RGS6: variants seen among roughly 807,000 people sequenced by gnomAD.
The protein encoded by RGS6 is regulator of G-protein signaling 6.
A neutral mutation model predicts 78.5 loss-of-function variants in RGS6; 30 were observed. That is an observed-to-expected ratio of 0.38 (90% CI 0.29 to 0.52). The LOEUF (loss-of-function observed/expected upper bound fraction) is 0.52. Among genes scored for constraint, RGS6 ranks in the 20% least tolerant of loss-of-function variants. The pLI is 0.85. For synonymous variants in RGS6, 206 were observed against 206.0 expected, an observed-to-expected ratio of 1.00 and a Z score of 0.00; for missense variants, 495 against 609.7, an observed-to-expected ratio of 0.81 and a Z score of 1.98.
chr14:72,002,290 C>T (rs2238268), intron 2 of RGS6, among the ~76,000 whole-genome samples: 95,172 of 151,976 alleles, frequency 0.63, 30,425 homozygotes, highest in South Asian at 0.7. Context: ...GAGTGACTTA[C>T]TAACTAGCCC....
chr14:72,015,288 G>A (rs912102651), intron 2 of RGS6, among the ~76,000 whole-genome samples: 1 of 152,148 alleles, frequency 6.6e-6, no homozygotes, highest in Non-Finnish European at 1.5e-5. Context: ...GGGAACTAGT[G>A]GAGTGAATTA....
intron 17 of RGS6, among the ~76,000 whole-genome samples, chr14:72,559,732 C>T (rs190553672): frequency 1.3e-5 from 2 of 152,254 alleles, no homozygotes; most frequent in Admixed American, 6.5e-5. Flanking sequence ...TCGGGGGAAG[C>T]GAGGAGCGGG....
At chr14:72,495,411 C>T (rs753535571) in intron 13 of RGS6, 149 bp downstream of exon 13, 8 of 633,724 alleles carry the variant, frequency 1.3e-5, no homozygotes, top group Non-Finnish European at 2.0e-5. Flanking sequence ...GTTCTACTTA[C>T]AGTTTCTACC....
chr14:72,189,129 GC>G (rs1489762175), intron 2 of RGS6, among the ~76,000 whole-genome samples: 1 of 152,158 alleles, frequency 6.6e-6, no homozygotes, highest in East Asian at 1.9e-4. Context: ...ACTCAACTCT[GC>G]CATTGTAGCC....
At chr14:72,175,984 C>T (rs1475360982) in intron 2 of RGS6, among the ~76,000 whole-genome samples, 1 of 152,156 alleles carries the variant, frequency 6.6e-6, no homozygotes, top group East Asian at 1.9e-4. Flanking sequence ...CCCAAGTTCA[C>T]CACCAGGCTT....
At chr14:72,046,408 A>G (rs2092840124) in intron 2 of RGS6, among the ~76,000 whole-genome samples, 2 of 152,186 alleles carry the variant, frequency 1.3e-5, no homozygotes, top group Admixed American at 1.3e-4. Context: ...TACAACATCT[A>G]CATGGCTTGT....
Position 72,326,865 on chromosome 14 carries a change from G to T in RGS6, c.85-25230G>T, listed in dbSNP as rs536769971. Among the ~76,000 whole-genome samples the T allele has an allele frequency of 5.5e-4, 83 of 152,254 alleles. 1 individual carries two copies. The highest frequency in any genetic ancestry group is 1.0e-3 in the Non-Finnish European group (69 of 68,024). On this transcript the variant is annotated intron_variant, in intron 2 of 17. Transcript: ENST00000553525. Reference sequence around the variant, plus strand: ...TGGGACTACAGGCGCCCGCCACCATGCCCGGCTAATTTTTTGTATTTTTAA... The same window carrying T: ...TGGGACTACAGGCGCCCGCCACCATTCCCGGCTAATTTTTTGTATTTTTAA...
At chr14:72,141,747 G>T (rs1026401389) in intron 2 of RGS6, among the ~76,000 whole-genome samples, 1 of 152,026 alleles carries the variant, frequency 6.6e-6, no homozygotes, top group Non-Finnish European at 1.5e-5. Flanking sequence ...GTTCCTCCAG[G>T]ATATGGCATC....
intron 3 of RGS6, among the ~76,000 whole-genome samples, chr14:72,426,034 A>G (rs1247621379): frequency 6.6e-6 from 1 of 152,116 alleles, no homozygotes; most frequent in Non-Finnish European, 1.5e-5. Flanking sequence ...GTTAAAATAA[A>G]CTCTTTTAAC....
the RGS6 span, among the ~76,000 whole-genome samples, chr14:72,589,913 ACT>A: frequency 6.6e-6 from 1 of 152,202 alleles, no homozygotes; most frequent in Non-Finnish European, 1.5e-5. Flanking sequence ...CTGACTGAAG[ACT>A]CAGCTCCAAA....
intron 2 of RGS6, among the ~76,000 whole-genome samples, chr14:72,256,553 G>A (rs768797641): frequency 3.3e-5 from 5 of 152,130 alleles, no homozygotes; most frequent in Non-Finnish European, 5.9e-5. Flanking sequence ...GCAGAATTCA[G>A]GCCCCTCCCA....
chr14:72,501,703 G>A (rs2010547), intron 13 of RGS6, among the ~76,000 whole-genome samples: 3,451 of 152,266 alleles, frequency 0.023, 122 homozygotes, highest in African/African-American at 0.078. Context: ...ACTAGATGCT[G>A]GAGTCTAATG....
intron 2 of RGS6, among the ~76,000 whole-genome samples, chr14:71,976,573 C>T (rs1331838024): frequency 6.6e-6 from 1 of 152,094 alleles, no homozygotes; most frequent in Non-Finnish European, 1.5e-5. Flanking sequence ...CATCCATGTC[C>T]CTACAAAGGA....
intron 3 of RGS6, among the ~76,000 whole-genome samples, chr14:72,412,500 A>T (rs1188283709): frequency 2.0e-5 from 3 of 151,428 alleles, no homozygotes; most frequent in African/African-American, 7.3e-5. Flanking sequence ...CATTTTGTTG[A>T]TCTTTTCAAA....
chr14:72,612,629 A>G, the RGS6 span: 1 of 518,876 alleles, frequency 1.9e-6, no homozygotes, highest in Non-Finnish European at 3.8e-6. Context: ...TCAGGGTCTC[A>G]GTGGGGAGTA....
chr14:72,171,114 A>G (rs2097008967), intron 2 of RGS6, among the ~76,000 whole-genome samples: 2 of 152,266 alleles, frequency 1.3e-5, no homozygotes, highest in South Asian at 4.1e-4. Context: ...CTTTAATTAC[A>G]CACATATCCA....
At position 71,941,354 on chromosome 14, in the gene RGS6, T is replaced by G. The variant is rs935001288; in HGVS notation, c.-21+8413T>G. Reference sequence around the variant, plus strand: ...CTTAGCATTTTTGGGTCTAATCATATTAAGCAGCCAACTCCAGAAACCCCA... The same window carrying G: ...CTTAGCATTTTTGGGTCTAATCATAGTAAGCAGCCAACTCCAGAAACCCCA... On this transcript the variant is annotated intron_variant, in intron 1 of 17. Transcript: ENST00000553525. Among the ~76,000 whole-genome samples the G allele has an allele frequency of 3.9e-5, 6 of 152,318 alleles. No homozygotes were observed. In the South Asian group the frequency reaches 8.3e-4, roughly 21 times the overall value.
chr14:72,192,451 T>A (rs577415511), intron 2 of RGS6, among the ~76,000 whole-genome samples: 1 of 152,204 alleles, frequency 6.6e-6, no homozygotes, highest in Non-Finnish European at 1.5e-5. Flanking sequence ...AACTCAGATA[T>A]GGGTTTTACA....
intron 2 of RGS6, among the ~76,000 whole-genome samples, chr14:72,085,374 A>G (rs1223332280): frequency 6.6e-6 from 1 of 152,234 alleles, no homozygotes; most frequent in African/African-American, 2.4e-5. Flanking sequence ...GTATTAAGTG[A>G]TAAAGCAGAG....
Sources: allele counts gnomAD v4.1 joint callset (sites outside exome capture counted in the v4.1 genomes callset), GRCh38; gene constraint gnomAD v4.1.1; transcripts MANE v1.5; gene names NCBI Gene and HGNC (gene_info 2026-07-23, HGNC 2026-07-21).